DKK3: variants seen among roughly 807,000 people sequenced by gnomAD.
DKK3 encodes the protein dickkopf Wnt signaling pathway inhibitor 3.
Under a neutral mutation model 33.2 loss-of-function variants are expected in DKK3, and 22 were observed. That is an observed-to-expected ratio of 0.66 (90% confidence interval 0.47 to 0.95). The LOEUF (loss-of-function observed/expected upper bound fraction) is 0.95, where lower values mean the gene tolerates loss of function less well. DKK3 is among the 40% of genes least tolerant of loss of function. The pLI is 0.00. For missense variants in DKK3, 398 were observed against 458.4 expected (o/e 0.87, Z 1.20); for synonymous variants, 194 against 188.8 (o/e 1.03, Z -0.23).
At position 12,008,457 on chromosome 11, in the gene DKK3, C is replaced by T. The variant is rs1271501067; in HGVS notation, c.126G>A (p.Gln42=). The T allele has an allele frequency of 6.2e-7, 1 of 1,609,974 alleles. No individual in the cohort carries two copies. Among genetic ancestry groups the T allele is most frequent in the Non-Finnish European group, 8.5e-7 (1 of 1,179,520 alleles). The part of the protein sequence containing the change: ...VKPGPALSYP[Q]EEATLNEMFR... ...ACATCTCATTGAGGGTGGCCTCCTC[C>T]TGCGGGTAGCTGAGAGCCGGGCCGG... Residue 42 remains glutamine, a synonymous_variant, in exon 1 of 7, where the codon CAG becomes CAA. Coordinates refer to ENST00000683431, the MANE Select transcript of DKK3 (RefSeq NM_001018057.2). This position sits in a 1 kb window ranked among gnomAD's most constrained non-coding sequence, Gnocchi z 4.6.
chr11:11,966,921 G>T (rs1344899440), intron 5 of DKK3, 33 bp downstream of exon 5: 2 of 1,610,112 alleles, frequency 1.2e-6, no homozygotes, highest in Non-Finnish European at 1.7e-6. Context: ...CTTGGGACAG[G>T]GTTTTTCCTG....
At chr11:12,000,818 C>G (rs11022108) in intron 2 of DKK3, among the ~76,000 whole-genome samples, 33 of 152,078 alleles carry the variant, frequency 2.2e-4, no homozygotes, top group African/African-American at 6.8e-4. Flanking sequence ...CACGCCTGGC[C>G]GAAGATTGGT....
intron 3 of DKK3, among the ~76,000 whole-genome samples, chr11:11,976,480 C>T (rs907369330): frequency 3.3e-5 from 5 of 152,270 alleles, no homozygotes; most frequent in African/African-American, 1.2e-4. Flanking sequence ...GAAACTGAGA[C>T]AGTACAATGA....
intron 2 of DKK3, 54 bp from the exon 3 acceptor site, chr11:11,998,833 C>G: frequency 1.3e-6 from 2 of 1,519,034 alleles, no homozygotes; most frequent in Non-Finnish European, 1.8e-6. Context: ...TGGACAAATT[C>G]CACAAGTTGT....
At chr11:11,993,297 C>T (rs1277745564) in intron 3 of DKK3, among the ~76,000 whole-genome samples, 2 of 151,934 alleles carry the variant, frequency 1.3e-5, no homozygotes, top group African/African-American at 4.8e-5. Context: ...TTTATGCATA[C>T]TTTTTTCTAA....
chr11:11,966,817 A>G, intron 5 of DKK3, 137 bp downstream of exon 5: 1 of 1,238,628 alleles, frequency 8.1e-7, no homozygotes, highest in Non-Finnish European at 1.1e-6. Flanking sequence ...AGTGCAGCAC[A>G]CACTGATGAG....
chr11:11,999,425 T>A (rs1848374855), intron 2 of DKK3, among the ~76,000 whole-genome samples: 1 of 152,172 alleles, frequency 6.6e-6, no homozygotes, highest in African/African-American at 2.4e-5. Context: ...ACAGAAAAGA[T>A]GTTTGGTCAC....
At chr11:11,966,253 C>T (rs956713250) in intron 5 of DKK3, among the ~76,000 whole-genome samples, 2 of 152,134 alleles carry the variant, frequency 1.3e-5, no homozygotes, top group Non-Finnish European at 2.9e-5. Context: ...GGCATTCAGG[C>T]ACAGGGACAG....
intron 6 of DKK3, among the ~76,000 whole-genome samples, chr11:11,965,137 G>A (rs767715035): frequency 6.6e-6 from 1 of 152,174 alleles, no homozygotes; most frequent in Admixed American, 6.5e-5. Flanking sequence ...AATGTGTTTG[G>A]TAGAGACGGG....
chr11:11,983,437 C>A (rs1288705906), intron 3 of DKK3, among the ~76,000 whole-genome samples: 3 of 152,184 alleles, frequency 2.0e-5, no homozygotes, highest in Non-Finnish European at 4.4e-5. Context: ...AGGGCTGGAG[C>A]CTTCGGTGGG....
At position 11,963,872 on chromosome 11, in the gene DKK3, A is replaced by G. The variant is rs1847516878; in HGVS notation, c.*592T>C. The stretch of plus-strand genomic sequence containing the variant: ...CTCCCCAGGCTGTGCTGAGAGAGGG[A>G]ATTGATCTTGGATATGAAAATGCTG... On this transcript the variant is annotated 3_prime_UTR_variant, in exon 7 of 7. Transcript: ENST00000683431. 6.5e-6 allele frequency: 1 copy of G among 153,316 alleles called. No homozygotes were observed. The highest frequency in any genetic ancestry group is 1.5e-5 in the Non-Finnish European group (1 of 68,482). The allele number at this position is 153,316 out of a possible 1,614,324, so 9.5% of individuals were successfully genotyped here.
chr11:11,987,928 A>G lies in DKK3; in HGVS notation c.435+10768T>C, dbSNP rs145534393. Among the ~76,000 whole-genome samples, 8 of 152,354 alleles carry G rather than the reference A, an allele frequency of 5.3e-5. No individual in the cohort carries two copies. In the East Asian group the frequency reaches 1.5e-3, roughly 29 times the overall value. ...TACTGCTTCCTGCCACAAGGGGTCC[A>G]GGAAATTAGGTCAGAAAGGAGAATT... On this transcript the variant is annotated intron_variant, in intron 3 of 6. Transcript: ENST00000683431.
intron 3 of DKK3, among the ~76,000 whole-genome samples, chr11:11,977,189 G>A (rs1847851980): frequency 6.6e-6 from 1 of 152,164 alleles, no homozygotes; most frequent in Non-Finnish European, 1.5e-5. Flanking sequence ...TGGCACCCCA[G>A]GGTATGGAGA....
intron 3 of DKK3, among the ~76,000 whole-genome samples, chr11:11,993,943 C>T (rs913504194): frequency 2.0e-5 from 3 of 152,158 alleles, no homozygotes; most frequent in African/African-American, 4.8e-5. Context: ...CTATCCTTCC[C>T]TTTGTCTGTA....
At chr11:11,991,090 G>A (rs1283220195) in intron 3 of DKK3, among the ~76,000 whole-genome samples, 4 of 152,188 alleles carry the variant, frequency 2.6e-5, no homozygotes, top group Admixed American at 6.5e-5. Flanking sequence ...GGGTCCAGAC[G>A]GATGCTGCAC....
intron 3 of DKK3, among the ~76,000 whole-genome samples, chr11:11,996,714 C>T (rs1363928271): frequency 2.6e-5 from 4 of 152,200 alleles, no homozygotes; most frequent in Admixed American, 6.5e-5. Context: ...GGCAAGCCTC[C>T]AGCACGTGGG....
chr11:11,991,928 C>G (rs147278689), intron 3 of DKK3, among the ~76,000 whole-genome samples: 8 of 152,188 alleles, frequency 5.3e-5, no homozygotes, highest in Non-Finnish European at 1.5e-5. Flanking sequence ...CCACAATGCC[C>G]TGTGCAACCT....
upstream of DKK3, chr11:12,008,878 C>G: frequency 8.9e-7 from 1 of 1,122,464 alleles, no homozygotes; most frequent in Non-Finnish European, 1.1e-6. The surrounding 1 kb of genome is among the most constrained non-coding windows in gnomAD (Gnocchi z 4.6). Flanking sequence ...ACCTGTGATG[C>G]TGGAGCCCTC....
chr11:11,967,746 C>T (rs571013353), intron 4 of DKK3, among the ~76,000 whole-genome samples: 4 of 152,348 alleles, frequency 2.6e-5, no homozygotes, highest in South Asian at 2.1e-4. Flanking sequence ...CATGTGGCTT[C>T]GTCCAAAATG....
Sources: gnomAD v4.1 joint callset for allele counts (sites outside exome capture counted in the v4.1 genomes callset) on GRCh38, gnomAD v4.1.1 for gene constraint, Gnocchi (gnomAD v3.1) non-coding constraint, MANE v1.5 for transcripts, NCBI Gene and HGNC (gene_info 2026-07-23, HGNC 2026-07-21) for gene names.